NFIB: variants seen among roughly 807,000 people sequenced by gnomAD.
The protein encoded by NFIB is nuclear factor 1 B-type.
Under a neutral mutation model 61.5 loss-of-function variants are expected in NFIB, and 11 were observed. The ratio of observed to expected loss-of-function variants is 0.18; its 90% CI spans 0.11 to 0.30. NFIB has a LOEUF of 0.30. Ranked by LOEUF, NFIB falls within the 10% of genes least tolerant of loss-of-function variation. The pLI, the probability that NFIB is intolerant of heterozygous loss-of-function variation, is 1.00. For missense variants in NFIB, 471 were observed against 608.9 expected (o/e 0.77, Z 2.38); for synonymous variants, 260 against 216.5 (o/e 1.20, Z -1.76).
chr9:14,091,406 A>G (rs1242918295), intron 10 of NFIB, among the ~76,000 whole-genome samples: 2 of 152,074 alleles, frequency 1.3e-5, no homozygotes, highest in East Asian at 3.8e-4. Context: ...TGCTTTTTAT[A>G]CATCTAACTC....
chr9:14,249,060 T>A (rs1294706639), intron 2 of NFIB, among the ~76,000 whole-genome samples: 1 of 152,210 alleles, frequency 6.6e-6, no homozygotes, highest in Non-Finnish European at 1.5e-5. Context: ...CACTTGCAAT[T>A]AATATACAAA....
chr9:14,238,825 G>A (rs963347098), intron 2 of NFIB, among the ~76,000 whole-genome samples: 5 of 152,124 alleles, frequency 3.3e-5, no homozygotes, highest in Non-Finnish European at 4.4e-5. Flanking sequence ...TCACCCAACC[G>A]AGATATAAAT....
chr9:14,185,480 C>T (rs1038462424), intron 2 of NFIB, among the ~76,000 whole-genome samples: 1 of 152,152 alleles, frequency 6.6e-6, no homozygotes, highest in African/African-American at 2.4e-5. Flanking sequence ...TTGATGTCTC[C>T]AAGTCTGTGC....
chr9:14,351,392 G>C lies in NFIB; in HGVS notation c.109-43872C>G, dbSNP rs539115251. Among the ~76,000 whole-genome samples, 396 of 145,856 alleles carry C rather than the reference G, an allele frequency of 2.7e-3. 1 individual carries two copies. Among genetic ancestry groups the C allele is most frequent in the African/African-American group, 9.5e-3 (383 of 40,400 alleles). On this transcript the variant is annotated intron_variant, in intron 1 of 8. Transcript: ENST00000380934. ...CCCCATACAGAACTCTCATCCTAGG[G>C]AGCTGGGCTAGGGCTGGCTGTGTCC...
In NFIB at chr9:14,087,702, TA is replaced by T. The variant is rs961941822; in HGVS notation, c.*606del. 8.3e-5 allele frequency: 18 copies of T among 217,992 alleles called. No homozygotes were observed. The highest frequency in any genetic ancestry group is 1.0e-4 in the Non-Finnish European group (11 of 108,022). 13.5% of individuals were successfully genotyped at this position (217,992 alleles called of 1,614,324 possible). ...AACTAAAGGCTACAGAGATTTCATATATTTTTTTTAACTTTTAGAAATCAGA... is the reference window on the plus strand; with the variant it reads ...AACTAAAGGCTACAGAGATTTCATATTTTTTTTTAACTTTTAGAAATCAGA... On this transcript the variant is annotated 3_prime_UTR_variant, in exon 11 of 11. Transcript: ENST00000380953.
intron 2 of NFIB, among the ~76,000 whole-genome samples, chr9:14,291,703 T>C (rs1423959237): frequency 3.9e-5 from 6 of 152,134 alleles, no homozygotes; most frequent in South Asian, 2.1e-4. Context: ...ATGTAGTAAT[T>C]ATCAAGCTAA....
At chr9:14,283,997 C>A (rs1334830045) in intron 2 of NFIB, among the ~76,000 whole-genome samples, 1 of 152,064 alleles carries the variant, frequency 6.6e-6, no homozygotes, top group African/African-American at 2.4e-5. Context: ...GCAGAGAAGA[C>A]CCTTTTTTAA....
intron 1 of NFIB, among the ~76,000 whole-genome samples, chr9:14,354,323 A>G (rs2061150755): frequency 6.6e-6 from 1 of 152,220 alleles, no homozygotes; most frequent in Admixed American, 6.5e-5. Context: ...AAAGCTGCAG[A>G]GTGAACAGGG....
At chr9:14,228,910 A>G (rs2052773388) in intron 2 of NFIB, among the ~76,000 whole-genome samples, 1 of 152,174 alleles carries the variant, frequency 6.6e-6, no homozygotes, top group African/African-American at 2.4e-5. Context: ...TCTTTTTGGA[A>G]TCTTAGAAAT....
At chr9:14,112,832 G>T (rs1372760194) in intron 10 of NFIB, among the ~76,000 whole-genome samples, 167 bp downstream of exon 10, 1 of 152,202 alleles carries the variant, frequency 6.6e-6, no homozygotes, top group Non-Finnish European at 1.5e-5. Context: ...ACTCAAAGAG[G>T]TGAGAAACAA....
chr9:14,173,955 T>C (rs2045862880), intron 3 of NFIB, among the ~76,000 whole-genome samples: 1 of 152,174 alleles, frequency 6.6e-6, no homozygotes, highest in African/African-American at 2.4e-5. Flanking sequence ...GAGTGGGCTG[T>C]ATACAAGTTC....
At chr9:14,458,866 G>T in the NFIB span, among the ~76,000 whole-genome samples, 3 of 151,688 alleles carry the variant, frequency 2.0e-5, no homozygotes, top group Non-Finnish European at 4.4e-5. Flanking sequence ...GGAAATAAAA[G>T]AGGATACAAA....
Position 14,116,293 on chromosome 9 carries a change from G to C in NFIB, c.1299C>G (p.Val433=). 1 of 1,538,476 alleles carries C rather than the reference G, an allele frequency of 6.5e-7. No homozygotes were observed. The highest frequency in any genetic ancestry group is 8.8e-7 in the Non-Finnish European group (1 of 1,140,342). Residue 433 remains valine (V), a synonymous_variant, in exon 9 of 11, where the codon GTC becomes GTG. Coordinates refer to ENST00000380953, the MANE Select transcript of NFIB (RefSeq NM_001190737.2). The part of the protein sequence containing the change: ...VGKVPGHFTP[V]LAPSPHPSAV... ...CACTGGGATGGGGAGAGGGTGCCAA[G>C]ACAGGAGTGAAATGGCCAGGCACTT...
the NFIB span, among the ~76,000 whole-genome samples, chr9:14,418,569 C>A: frequency 6.6e-6 from 1 of 152,190 alleles, no homozygotes; most frequent in East Asian, 1.9e-4. Context: ...AGTGCACCAT[C>A]CTACCAGCTG....
intron 6 of NFIB, among the ~76,000 whole-genome samples, chr9:14,132,942 T>G (rs1277558845): frequency 6.6e-6 from 1 of 152,128 alleles, no homozygotes; most frequent in Non-Finnish European, 1.5e-5. Context: ...CAAAGTGTAA[T>G]GAAAACAGTT....
the NFIB span, among the ~76,000 whole-genome samples, chr9:14,463,723 C>T: frequency 7.7e-6 from 1 of 130,206 alleles, no homozygotes; most frequent in Non-Finnish European, 1.5e-5. Context: ...TGCAGTGGCG[C>T]AATCTCGGCT....
the NFIB span, among the ~76,000 whole-genome samples, chr9:14,483,568 T>A: frequency 6.6e-6 from 1 of 152,206 alleles, no homozygotes; most frequent in Non-Finnish European, 1.5e-5. Flanking sequence ...GTGATTTTCA[T>A]TATTTAACCT....
chr9:14,215,919 A>G (rs1000834466), intron 2 of NFIB, among the ~76,000 whole-genome samples: 4 of 152,180 alleles, frequency 2.6e-5, no homozygotes, highest in Admixed American at 6.6e-5. Flanking sequence ...GCAGCACTGT[A>G]CTGAGAATTA....
intron 2 of NFIB, among the ~76,000 whole-genome samples, chr9:14,261,316 C>G (rs12002734): frequency 6.7e-6 from 1 of 148,912 alleles, no homozygotes; most frequent in Non-Finnish European, 1.5e-5. Flanking sequence ...GACTCCGTCT[C>G]AAAAAAAAAG....
Sources: gnomAD v4.1 joint callset for allele counts (sites outside exome capture counted in the v4.1 genomes callset) on GRCh38, gnomAD v4.1.1 for gene constraint, MANE v1.5 for transcripts, NCBI Gene and HGNC (gene_info 2026-07-23, HGNC 2026-07-21) for gene names.